Variants in ST18 observed in about 807,000 individuals in gnomAD.
The protein encoded by ST18 is suppression of tumorigenicity 18 protein.
In ST18, 50 loss-of-function variants were observed where a neutral mutation model predicts 110.0. The observed-to-expected ratio is 0.45, with a 90% CI of 0.36 to 0.58. ST18 has a LOEUF of 0.58. Among genes scored for constraint, ST18 ranks in the 20% least tolerant of loss-of-function variants. The probability of loss-of-function intolerance (pLI) is 0.00; values close to 1 mark genes in which losing one functional copy is unlikely to be tolerated. For synonymous variants in ST18, 461 were observed against 452.4 expected (o/e 1.02, Z -0.24); for missense variants, 1,306 against 1,280.1 (o/e 1.02, Z -0.31).
At chr8:52,276,319 C>A (rs2095263714) in intron 2 of ST18, among the ~76,000 whole-genome samples, 1 of 149,282 alleles carries the variant, frequency 6.7e-6, no homozygotes, top group Non-Finnish European at 1.5e-5. Context: ...CTCACACAAA[C>A]ACACCGCACC....
intron 11 of ST18, 80 bp downstream of exon 11, chr8:52,166,772 C>A (rs1473907796): frequency 7.2e-7 from 1 of 1,382,194 alleles, no homozygotes; most frequent in African/African-American, 1.5e-5. Flanking sequence ...TTCCTAATTC[C>A]AAATTGGGAG....
At chr8:52,122,399 T>C (rs2130916040) in intron 23 of ST18, among the ~76,000 whole-genome samples, 1 of 152,274 alleles carries the variant, frequency 6.6e-6, no homozygotes, top group Non-Finnish European at 1.5e-5. Context: ...AGTTATGTTT[T>C]TTCATATTAT....
intron 2 of ST18, among the ~76,000 whole-genome samples, chr8:52,371,263 A>G (rs1417911617): frequency 1.3e-5 from 2 of 152,210 alleles, no homozygotes; most frequent in Non-Finnish European, 2.9e-5. Context: ...CCATAATAAT[A>G]TTGAGAGAAT....
At chr8:52,376,658 C>T (rs750929032) in intron 2 of ST18, among the ~76,000 whole-genome samples, 15 of 152,134 alleles carry the variant, frequency 9.9e-5, no homozygotes, top group African/African-American at 1.9e-4. Flanking sequence ...TTGTGGGAAG[C>T]GTCTTTGTCT....
At chr8:52,377,712 A>G (rs1255615454) in intron 2 of ST18, among the ~76,000 whole-genome samples, 3 of 152,206 alleles carry the variant, frequency 2.0e-5, no homozygotes, top group Non-Finnish European at 4.4e-5. Flanking sequence ...AAATACTGCA[A>G]ATAGAACTAT....
intron 8 of ST18, among the ~76,000 whole-genome samples, chr8:52,203,943 A>G (rs1268102560): frequency 2.0e-5 from 3 of 152,220 alleles, no homozygotes; most frequent in Non-Finnish European, 4.4e-5. Flanking sequence ...GAGACATGTA[A>G]TTAAATACTC....
chr8:52,264,707 G>A (rs1589430210), intron 2 of ST18, among the ~76,000 whole-genome samples: 1 of 152,156 alleles, frequency 6.6e-6, no homozygotes, highest in African/African-American at 2.4e-5. Context: ...ATATTCAAGA[G>A]CATGTTTTGA....
intron 2 of ST18, among the ~76,000 whole-genome samples, chr8:52,350,619 G>C (rs1055600403): frequency 2.0e-5 from 3 of 152,068 alleles, no homozygotes; most frequent in Non-Finnish European, 4.4e-5. Context: ...AACCCTGTAT[G>C]TTCCCAGACA....
intron 2 of ST18, among the ~76,000 whole-genome samples, chr8:52,344,252 A>AC (rs1554838079): frequency 6.6e-6 from 1 of 152,118 alleles, no homozygotes; most frequent in Admixed American, 6.5e-5. Context: ...AAGAAGCCTT[A>AC]TTTTTTCAAA....
intron 2 of ST18, among the ~76,000 whole-genome samples, chr8:52,275,943 C>T (rs555905257): frequency 6.8e-6 from 1 of 147,940 alleles, no homozygotes; most frequent in South Asian, 2.2e-4. Flanking sequence ...CACCACCCTA[C>T]ACCACACAAC....
intron 8 of ST18, among the ~76,000 whole-genome samples, chr8:52,205,098 T>TACACAC (rs60070901): frequency 1.9e-4 from 28 of 148,836 alleles, no homozygotes; most frequent in African/African-American, 5.4e-4. Context: ...CATATATATA[T>TACACAC]ACACACACAC....
At chr8:52,204,912 G>A (rs2079391536) in intron 8 of ST18, among the ~76,000 whole-genome samples, 1 of 151,984 alleles carries the variant, frequency 6.6e-6, no homozygotes, top group African/African-American at 2.4e-5. Flanking sequence ...AGAAAAACAG[G>A]CAAAGAAAAT....
At chr8:52,201,405 C>A (rs1034047206) in intron 8 of ST18, 1 of 152,256 alleles carries the variant, frequency 6.6e-6, no homozygotes, top group African/African-American at 2.4e-5. Context: ...CCCTGAGCCT[C>A]GACACTGGGG....
intron 17 of ST18, among the ~76,000 whole-genome samples, chr8:52,139,783 T>A (rs2054178484): frequency 6.6e-6 from 1 of 152,128 alleles, no homozygotes; most frequent in Admixed American, 6.6e-5. Flanking sequence ...AATTAGCTGA[T>A]AATTTATTTT....
chr8:52,162,757 T>G (rs1301248992), intron 13 of ST18, among the ~76,000 whole-genome samples: 1 of 152,196 alleles, frequency 6.6e-6, no homozygotes, highest in Non-Finnish European at 1.5e-5. Context: ...TCTGCTGTGG[T>G]GTAATGGTAA....
chr8:52,377,032 T>C (rs1191058432), intron 2 of ST18, among the ~76,000 whole-genome samples: 2 of 152,166 alleles, frequency 1.3e-5, no homozygotes, highest in Non-Finnish European at 2.9e-5. Flanking sequence ...TGACAATACA[T>C]GTACTTAAGA....
In ST18 at chr8:52,332,719, C is replaced by T. The variant is rs563038102; in HGVS notation, c.-465+76609G>A. 6.6e-5 allele frequency among the ~76,000 whole-genome samples: 10 copies of T among 151,866 alleles called. No homozygotes were observed. The South Asian group carries it at 1.3e-3, about 19-fold the overall frequency. Reference sequence around the variant, plus strand: ...TACAAAAATTAGCCAGGCGTGGTGGCGCATGCCTGTAATCCCAGCTACTCA... The same window carrying T: ...TACAAAAATTAGCCAGGCGTGGTGGTGCATGCCTGTAATCCCAGCTACTCA... On this transcript the variant is annotated intron_variant, in intron 2 of 25. Transcript: ENST00000689386.
At chr8:52,337,789 G>C (rs942850694) in intron 2 of ST18, among the ~76,000 whole-genome samples, 4 of 152,186 alleles carry the variant, frequency 2.6e-5, no homozygotes, top group African/African-American at 9.7e-5. Context: ...CTCAGCCTCA[G>C]ATGCAGTGGG....
At chr8:52,389,992 C>T (rs542167019) in intron 2 of ST18, among the ~76,000 whole-genome samples, 1 of 152,110 alleles carries the variant, frequency 6.6e-6, no homozygotes, top group Non-Finnish European at 1.5e-5. Context: ...GAGAGACATG[C>T]TTTACCACTT....
Sources: gnomAD v4.1 joint callset for allele counts (sites outside exome capture counted in the v4.1 genomes callset) on GRCh38, gnomAD v4.1.1 for gene constraint, MANE v1.5 for transcripts, NCBI Gene and HGNC (gene_info 2026-07-23, HGNC 2026-07-21) for gene names.